Variants in CHSY3 observed in about 807,000 individuals in gnomAD.
CHSY3 encodes the protein chondroitin sulfate synthase 3, also known as N-acetylgalactosaminyl-proteoglycan 3-beta-glucuronosyltransferase 3.
Under a neutral mutation model 67.2 loss-of-function variants are expected in CHSY3, and 35 were observed. The observed-to-expected ratio is 0.52, with a 90% CI of 0.40 to 0.69. The LOEUF (loss-of-function observed/expected upper bound fraction) is 0.69, where lower values mean the gene tolerates loss of function less well. Among genes scored for constraint, CHSY3 ranks in the 30% least tolerant of loss-of-function variants. The pLI, the probability that CHSY3 is intolerant of heterozygous loss-of-function variation, is 0.00. For synonymous variants in CHSY3, 474 were observed against 434.7 expected (o/e 1.09, Z -1.12); for missense variants, 1,069 against 1,138.5 (o/e 0.94, Z 0.88).
chr5:130,079,881 T>C (rs1287076437), intron 2 of CHSY3, among the ~76,000 whole-genome samples: 3 of 152,196 alleles, frequency 2.0e-5, no homozygotes, highest in Middle Eastern at 3.4e-3. Flanking sequence ...AATTTATCAA[T>C]AAAAGGCTAA....
chr5:130,178,253 A>ATATTTTT (rs1205782386), intron 2 of CHSY3, among the ~76,000 whole-genome samples: 11 of 45,912 alleles, frequency 2.4e-4, no homozygotes, highest in East Asian at 9.3e-4. Flanking sequence ...ATATATATAT[A>ATATTTTT]TTTTTTTTTT....
chr5:129,960,867 C>T (rs1762310921), intron 2 of CHSY3, among the ~76,000 whole-genome samples: 1 of 151,964 alleles, frequency 6.6e-6, no homozygotes. Flanking sequence ...AAAGACTGCC[C>T]TTGTAATTAT....
chr5:130,020,450 TATATATATATA>T (rs556836401), intron 2 of CHSY3, among the ~76,000 whole-genome samples: 667 of 4,092 alleles, frequency 0.16, 13 homozygotes, highest in East Asian at 0.37. Flanking sequence ...TATATATATA[TATATATATATA>T]TTTTTTTTTT....
chr5:129,967,958 T>C (rs543599837), intron 2 of CHSY3, among the ~76,000 whole-genome samples: 95 of 151,914 alleles, frequency 6.3e-4, no homozygotes, highest in African/African-American at 2.2e-3. Context: ...ATACATAATA[T>C]GATAAGCTAC....
chr5:130,090,939 G>C (rs761996537), intron 2 of CHSY3, among the ~76,000 whole-genome samples: 2 of 152,142 alleles, frequency 1.3e-5, no homozygotes, highest in Non-Finnish European at 2.9e-5. Context: ...CATGTTGTTA[G>C]TTTAGCTGGC....
At chr5:130,012,095 A>C (rs1764079927) in intron 2 of CHSY3, among the ~76,000 whole-genome samples, 1 of 152,188 alleles carries the variant, frequency 6.6e-6, no homozygotes, top group African/African-American at 2.4e-5. Flanking sequence ...AACAGAAAAA[A>C]ATATTTTAAA....
At chr5:129,929,854 T>C (rs893997166) in intron 2 of CHSY3, among the ~76,000 whole-genome samples, 25 of 152,170 alleles carry the variant, frequency 1.6e-4, no homozygotes, top group Non-Finnish European at 7.4e-5. Context: ...CAAGTTTGTG[T>C]TGAATTTAGC....
intron 2 of CHSY3, among the ~76,000 whole-genome samples, chr5:130,120,729 A>C (rs1198178872): frequency 6.6e-6 from 1 of 152,178 alleles, no homozygotes; most frequent in East Asian, 1.9e-4. Context: ...AACTGAGTTA[A>C]GATTAATAAA....
intron 2 of CHSY3, among the ~76,000 whole-genome samples, chr5:130,084,397 CAT>C (rs1248441018): frequency 6.6e-6 from 1 of 151,796 alleles, no homozygotes; most frequent in Non-Finnish European, 1.5e-5. Context: ...ACAATGTAGA[CAT>C]GTGTGTGTTG....
Position 130,011,791 on chromosome 5 carries a change from A to G in CHSY3, c.1086+103431A>G, listed in dbSNP as rs138000930. ...GTCTCAGGATACAAAAGCAATGTAT[A>G]TAAATCAGTGTTTCTATACACAAAT... On this transcript the variant is annotated intron_variant, in intron 2 of 2. Coordinates refer to ENST00000305031, the MANE Select transcript of CHSY3 (RefSeq NM_175856.5). 5.9e-5 allele frequency among the ~76,000 whole-genome samples: 9 copies of G among 152,360 alleles called. No homozygotes were observed. In the East Asian group the frequency reaches 1.7e-3, roughly 29 times the overall value.
chr5:130,173,070 T>G (rs1326628368), intron 2 of CHSY3, among the ~76,000 whole-genome samples: 1 of 152,204 alleles, frequency 6.6e-6, no homozygotes, highest in Non-Finnish European at 1.5e-5. Context: ...GGACTGAAAG[T>G]AACTTGAAAA....
intron 2 of CHSY3, among the ~76,000 whole-genome samples, chr5:130,121,409 T>C (rs1768019058): frequency 6.6e-6 from 1 of 152,164 alleles, no homozygotes; most frequent in African/African-American, 2.4e-5. Flanking sequence ...AGGTAAAATG[T>C]TGAAGAGTTG....
intron 2 of CHSY3, among the ~76,000 whole-genome samples, chr5:130,160,551 C>T (rs1483924164): frequency 6.6e-6 from 1 of 152,194 alleles, no homozygotes; most frequent in Non-Finnish European, 1.5e-5. Context: ...CTGTGCTTTC[C>T]TGGTGTCCTC....
intron 2 of CHSY3, among the ~76,000 whole-genome samples, chr5:130,026,291 A>C (rs1273114214): frequency 1.3e-5 from 2 of 152,154 alleles, no homozygotes; most frequent in African/African-American, 4.8e-5. Context: ...CAACATTTTG[A>C]AAATCATCAC....
chr5:129,960,035 T>C (rs1762286071), intron 2 of CHSY3, among the ~76,000 whole-genome samples: 1 of 152,032 alleles, frequency 6.6e-6, no homozygotes, highest in Non-Finnish European at 1.5e-5. Context: ...TGACAAGAGA[T>C]GATGATTTAA....
chr5:130,040,457 TA>T (rs1764977211), intron 2 of CHSY3, among the ~76,000 whole-genome samples: 1 of 152,110 alleles, frequency 6.6e-6, no homozygotes, highest in Non-Finnish European at 1.5e-5. Context: ...TTTGAGACAG[TA>T]AAAATGGTTA....
rs368121156 is a variant in CHSY3, at chr5:129,954,513, G to A, written c.1086+46153G>A. Reference sequence around the variant, plus strand: ...ATTTAAAGTAGTTTTTTCTAATTCTGTGAAGAAAGTCAATGGTAACTTGAT... The same window carrying A: ...ATTTAAAGTAGTTTTTTCTAATTCTATGAAGAAAGTCAATGGTAACTTGAT... On this transcript the variant is annotated intron_variant, in intron 2 of 2. Coordinates refer to ENST00000305031, the MANE Select transcript of CHSY3 (RefSeq NM_175856.5). Among the ~76,000 whole-genome samples the A allele has an allele frequency of 3.1e-4, 47 of 149,884 alleles. No homozygotes were observed. In the East Asian group the frequency reaches 7.5e-3, roughly 24 times the overall value.
At chr5:130,126,005 T>C (rs939649106) in intron 2 of CHSY3, among the ~76,000 whole-genome samples, 2 of 151,062 alleles carry the variant, frequency 1.3e-5, no homozygotes, top group Non-Finnish European at 2.9e-5. Context: ...TACCTGGTAT[T>C]GGTCATTATA....
chr5:129,944,882 G>C (rs983478338), intron 2 of CHSY3, among the ~76,000 whole-genome samples: 1 of 152,084 alleles, frequency 6.6e-6, no homozygotes, highest in Non-Finnish European at 1.5e-5. Context: ...ATTTCACAAC[G>C]TATGTGTTAG....
Sources: allele counts gnomAD v4.1 joint callset (sites outside exome capture counted in the v4.1 genomes callset), GRCh38; gene constraint gnomAD v4.1.1; transcripts MANE v1.5; gene names NCBI Gene and HGNC (gene_info 2026-07-23, HGNC 2026-07-21).